C1QTNF7: variants seen among roughly 807,000 people sequenced by gnomAD.
C1QTNF7 encodes the protein complement C1q tumor necrosis factor-related protein 7.
C1QTNF7 carries 15 observed loss-of-function variants against 19.6 expected under a neutral mutation model. That is an observed-to-expected ratio of 0.76 (90% confidence interval 0.51 to 1.18). The LOEUF (loss-of-function observed/expected upper bound fraction) is 1.18, where lower values mean the gene tolerates loss of function less well. C1QTNF7 is among the 50% of genes most tolerant of loss of function. The pLI, the probability that C1QTNF7 is intolerant of heterozygous loss-of-function variation, is 0.00. For synonymous variants in C1QTNF7, 142 were observed against 137.5 expected, an observed-to-expected ratio of 1.03 and a Z score of -0.23; for missense variants, 324 against 359.7, an observed-to-expected ratio of 0.90 and a Z score of 0.80.
intron 2 of C1QTNF7, among the ~76,000 whole-genome samples, chr4:15,438,598 G>T (rs910920369): frequency 6.6e-6 from 1 of 152,130 alleles, no homozygotes; most frequent in African/African-American, 2.4e-5. Flanking sequence ...CTCCCTCACT[G>T]GTCTGTTGCA....
At chr4:15,401,066 C>T (rs545457739) in intron 1 of C1QTNF7, among the ~76,000 whole-genome samples, 2 of 152,294 alleles carry the variant, frequency 1.3e-5, no homozygotes, top group Non-Finnish European at 1.5e-5. Context: ...TACTAGCGGG[C>T]GCACCCCAGT....
At chr4:15,420,369 G>A (rs768702784) in intron 1 of C1QTNF7, among the ~76,000 whole-genome samples, 2 of 152,216 alleles carry the variant, frequency 1.3e-5, no homozygotes, top group Non-Finnish European at 2.9e-5. Context: ...TCACGTAGAT[G>A]AGATTATCCT....
At chr4:15,357,021 C>G (rs1717170654) in intron 1 of C1QTNF7, among the ~76,000 whole-genome samples, 1 of 147,674 alleles carries the variant, frequency 6.8e-6, no homozygotes, top group African/African-American at 2.5e-5. Flanking sequence ...GGATAGATTG[C>G]AAAAATTTCT....
chr4:15,366,449 T>A (rs568360694), intron 1 of C1QTNF7, among the ~76,000 whole-genome samples: 1 of 152,136 alleles, frequency 6.6e-6, no homozygotes, highest in Non-Finnish European at 1.5e-5. Flanking sequence ...CTGCGGATAG[T>A]CCCCTGGAAA....
chr4:15,374,728 A>G (rs1209817104), intron 1 of C1QTNF7: 3 of 985,292 alleles, frequency 3.0e-6, no homozygotes, highest in Middle Eastern at 5.2e-4. Context: ...TGCGCACACT[A>G]GAGTTCAAAG....
intron 1 of C1QTNF7, among the ~76,000 whole-genome samples, chr4:15,345,211 G>T (rs1336453103): frequency 6.6e-6 from 1 of 152,234 alleles, no homozygotes; most frequent in East Asian, 1.9e-4. Context: ...TAACACTAAG[G>T]TCAGGCAAAA....
intron 1 of C1QTNF7, among the ~76,000 whole-genome samples, chr4:15,434,350 T>C (rs1712443335): frequency 6.6e-6 from 1 of 152,242 alleles, no homozygotes; most frequent in Non-Finnish European, 1.5e-5. Flanking sequence ...CTGGGTCTAA[T>C]TCCAAGATGT....
At chr4:15,437,662 A>C (rs914885084) in intron 2 of C1QTNF7, among the ~76,000 whole-genome samples, 2 of 152,212 alleles carry the variant, frequency 1.3e-5, no homozygotes, top group African/African-American at 4.8e-5. Flanking sequence ...TCATTCATCC[A>C]TGCATCCAGG....
chr4:15,340,663 T>C (rs1210405785), intron 1 of C1QTNF7, among the ~76,000 whole-genome samples: 2 of 152,222 alleles, frequency 1.3e-5, no homozygotes, highest in South Asian at 4.1e-4. Flanking sequence ...TCCTCCTAAG[T>C]GCAGTTACTA....
chr4:15,403,491 C>A (rs1298742087), intron 1 of C1QTNF7, among the ~76,000 whole-genome samples: 1 of 152,182 alleles, frequency 6.6e-6, no homozygotes, highest in African/African-American at 2.4e-5. Context: ...TGGCTACAGG[C>A]AATCCTTGGG....
chr4:15,431,103 T>TAGAC (rs1712289682), intron 1 of C1QTNF7, among the ~76,000 whole-genome samples: 2 of 151,906 alleles, frequency 1.3e-5, no homozygotes, highest in South Asian at 4.1e-4. Context: ...GATAGATAGA[T>TAGAC]AGATTCATTG....
Position 15,373,159 on chromosome 4 carries a change from C to T in C1QTNF7, c.13+32952C>T, listed in dbSNP as rs1560346044. 2.6e-5 allele frequency among the ~76,000 whole-genome samples: 4 copies of T among 152,330 alleles called. No individual in the cohort carries two copies. In the South Asian group the frequency reaches 8.3e-4, roughly 32 times the overall value. ...GGGATATCCAAGATCAAGGTGCCAA[C>T]AGGTTTAAGGCCTGGTGAGGGCTCT... On this transcript the variant is annotated intron_variant, in intron 1 of 2. Transcript: ENST00000295297.
At position 15,441,607 on chromosome 4, in the gene C1QTNF7, T is replaced by C. The variant is rs554286698; in HGVS notation, c.239-561T>C. Among the ~76,000 whole-genome samples the C allele has an allele frequency of 9.8e-5, 15 of 152,344 alleles. No individual in the cohort carries two copies. The South Asian group carries it at 3.1e-3, about 32-fold the overall frequency. ...AGTGGCAAGTGATCCATCATCAAAA[T>C]GATAGTTAATTATGTTAAATTTGTC... On this transcript the variant is annotated intron_variant, in intron 2 of 2. Coordinates refer to ENST00000444304, the MANE Select transcript of C1QTNF7 (RefSeq NM_031911.5).
chr4:15,362,583 T>G (rs1717381545), intron 1 of C1QTNF7: 1 of 152,208 alleles, frequency 6.6e-6, no homozygotes, highest in African/African-American at 2.4e-5. Flanking sequence ...AATAAGTGAT[T>G]AAAAAATTAT....
At chr4:15,367,236 T>G (rs1360140430) in intron 1 of C1QTNF7, among the ~76,000 whole-genome samples, 1 of 151,960 alleles carries the variant, frequency 6.6e-6, no homozygotes, top group Non-Finnish European at 1.5e-5. Flanking sequence ...GAAAATAGAG[T>G]CTTCTAAATT....
intron 1 of C1QTNF7, among the ~76,000 whole-genome samples, chr4:15,421,012 T>A (rs1711733620): frequency 6.6e-6 from 1 of 151,848 alleles, no homozygotes; most frequent in African/African-American, 2.4e-5. Flanking sequence ...ATCTTTGCCT[T>A]TGTTGGGTCT....
intron 1 of C1QTNF7, among the ~76,000 whole-genome samples, chr4:15,408,184 A>G (rs1719264778): frequency 6.6e-6 from 1 of 151,602 alleles, no homozygotes; most frequent in African/African-American, 2.4e-5. Flanking sequence ...GAGGCAGAAG[A>G]ATCACTTGAA....
chr4:15,441,952 C>T (rs569815450), intron 2 of C1QTNF7, among the ~76,000 whole-genome samples: 10 of 151,944 alleles, frequency 6.6e-5, no homozygotes, highest in East Asian at 1.9e-4. Context: ...ACCCGGAAGG[C>T]GGAGGTTGCA....
At position 15,400,395 on chromosome 4, in the gene C1QTNF7, T is replaced by C. The variant is rs138582010; in HGVS notation, c.14-35341T>C. 3.5e-3 allele frequency among the ~76,000 whole-genome samples: 533 copies of C among 152,338 alleles called. 2 individuals carry two copies. The highest frequency in any genetic ancestry group is 4.6e-3 in the Non-Finnish European group (314 of 68,034). On this transcript the variant is annotated intron_variant, in intron 1 of 2. Transcript: ENST00000295297. ...AAATAATGCTGTCAACAGCATTAAA[T>C]TTGATGCACAAGAAGACACATTTGT... is the stretch of plus-strand genomic sequence containing the variant.
Sources: allele counts gnomAD v4.1 joint callset (sites outside exome capture counted in the v4.1 genomes callset), GRCh38; gene constraint gnomAD v4.1.1; transcripts MANE v1.5; gene names NCBI Gene and HGNC (gene_info 2026-07-23, HGNC 2026-07-21).